The following CWC22 variants were observed in gnomAD, a reference collection of about 807,000 sequenced individuals.
The protein encoded by CWC22 is pre-mRNA-splicing factor CWC22 homolog.
A neutral mutation model predicts 117.2 loss-of-function variants in CWC22; 53 were observed. The observed-to-expected ratio is 0.45, with a 90% CI of 0.36 to 0.57. The LOEUF (loss-of-function observed/expected upper bound fraction) is 0.57. Among genes scored for constraint, CWC22 ranks in the 20% least tolerant of loss-of-function variants. The pLI is 0.00. For missense variants in CWC22, 980 were observed against 1,068.8 expected (o/e 0.92, Z 1.16); for synonymous variants, 360 against 355.6 (o/e 1.01, Z -0.14).
At chr2:179,970,884 T>C in intron 9 of CWC22, 28 bp from the exon 10 acceptor site, 1 of 1,608,206 alleles carries the variant, frequency 6.2e-7, no homozygotes, top group East Asian at 2.2e-5. Context: ...GAAAAGACAA[T>C]AAAATAAGCA....
intron 5 of CWC22, among the ~76,000 whole-genome samples, chr2:179,979,612 A>G (rs1178437493): frequency 6.6e-6 from 1 of 152,138 alleles, no homozygotes; most frequent in Non-Finnish European, 1.5e-5. Flanking sequence ...GATATTGTTT[A>G]GTATTGCTAG....
At chr2:179,983,944 C>A (rs758985599) in intron 4 of CWC22, among the ~76,000 whole-genome samples, 2 of 152,008 alleles carry the variant, frequency 1.3e-5, no homozygotes, top group Non-Finnish European at 2.9e-5. Context: ...AAATCAGATC[C>A]CTACCATTAT....
In CWC22 at chr2:179,945,570, T is replaced by C; in HGVS notation, c.2286A>G (p.Arg762=). The C allele has an allele frequency of 6.2e-7, 1 of 1,613,276 alleles. No individual in the cohort carries two copies. ...TTTGATCTCTGTGTTTTTCTGACCT[T>C]CTTTCTCTCTCAGTCCTTGTTTCCT... The part of the protein sequence containing the change: ...GHQETRTERE[R]RSEKHRDQNS... Residue 762 remains arginine (R), a synonymous_variant, in exon 20 of 20, where the codon AGA becomes AGG. Coordinates refer to ENST00000410053, the MANE Select transcript of CWC22 (RefSeq NM_020943.3).
chr2:179,977,500 T>C (rs570011656), intron 6 of CWC22, among the ~76,000 whole-genome samples: 3 of 152,192 alleles, frequency 2.0e-5, no homozygotes, highest in South Asian at 4.1e-4. Flanking sequence ...CTCACTAATA[T>C]GCGGAATCTA....
At chr2:179,995,112 C>T (rs67302250) in intron 1 of CWC22, among the ~76,000 whole-genome samples, 21,721 of 152,122 alleles carry the variant, frequency 0.14, 1,938 homozygotes, top group Admixed American at 0.29. Context: ...AGTGAGACTT[C>T]GTCTCAAACA....
intron 11 of CWC22, among the ~76,000 whole-genome samples, chr2:179,968,688 C>T (rs2105525531): frequency 6.6e-6 from 1 of 152,038 alleles, no homozygotes; most frequent in East Asian, 1.9e-4. Context: ...CTGCCTCAGC[C>T]TCCTGACTCG....
intron 2 of CWC22, among the ~76,000 whole-genome samples, chr2:179,991,888 C>A (rs966638267): frequency 6.6e-6 from 1 of 152,110 alleles, no homozygotes; most frequent in South Asian, 2.1e-4. Context: ...AACTGTGAGC[C>A]CCCTGCCAAA....
intron 8 of CWC22, 117 bp from the exon 9 acceptor site, chr2:179,971,193 G>T: frequency 1.5e-6 from 1 of 668,750 alleles, no homozygotes; most frequent in Non-Finnish European, 2.3e-6. Context: ...CACATATGAT[G>T]GGCAAAGTTT....
intron 14 of CWC22, among the ~76,000 whole-genome samples, chr2:179,956,161 G>A (rs1044641707): frequency 1.3e-5 from 2 of 151,618 alleles, no homozygotes; most frequent in South Asian, 4.2e-4. Context: ...ATATAATTAA[G>A]TATTTACTGC....
intron 3 of CWC22, 94 bp from the exon 4 acceptor site, chr2:179,986,899 T>C: frequency 3.4e-6 from 2 of 595,664 alleles, no homozygotes; most frequent in Middle Eastern, 2.8e-4. Flanking sequence ...AAAGCAACTC[T>C]ATGACTGAAC....
chr2:179,990,006 C>T (rs1383642350), intron 2 of CWC22, among the ~76,000 whole-genome samples: 2 of 152,088 alleles, frequency 1.3e-5, no homozygotes, highest in Non-Finnish European at 2.9e-5. Flanking sequence ...GATTTTATGA[C>T]TATCTAATTA....
rs775456453 is a variant in CWC22, at chr2:179,954,236, T to C, written c.1658A>G (p.His553Arg). 14 of 1,611,726 alleles carry C rather than the reference T, an allele frequency of 8.7e-6. No homozygotes were observed. The highest frequency in any genetic ancestry group is 1.2e-5 in the Non-Finnish European group (14 of 1,178,568). Residue 553 changes from histidine to arginine, a missense_variant, in exon 16 of 20, where the codon CAC becomes CGC. Physicochemically the swap from His to Arg is conservative, Grantham distance 29 (BLOSUM62 0). Around this residue, in one of 3 missense-constraint regions of CWC22, gnomAD observed 115 missense variants for 169.8 expected, o/e 0.68. Transcript: ENST00000410053. The stretch of plus-strand genomic sequence containing the variant: ...TGGAAGTGAATCAGTGTATAAAAGG[T>C]GAGCAAACATCTTAGCAACATTTCG... ...KLRNVAKMFA[H>R]LLYTDSLPWS...
chr2:179,951,541 T>C (rs990577537), intron 17 of CWC22, among the ~76,000 whole-genome samples: 2 of 151,960 alleles, frequency 1.3e-5, no homozygotes, highest in African/African-American at 4.8e-5. Flanking sequence ...AGGTACAATA[T>C]AAGAAGAATG....
chr2:179,986,786 A>G lies in CWC22; in HGVS notation c.115T>C (p.Ser39Pro). The part of the protein sequence containing the change: ...PEDRYEEQER[S>P]PRDRDYFDYS... ...TCAAAGTAATCTCTATCCCGGGGGG[A>G]TCGTTCTTGTTCTTCATATCTAACA... is the stretch of plus-strand genomic sequence containing the variant. Residue 39 changes from serine to proline, a missense_variant, in exon 4 of 20, where the codon TCC becomes CCC. Physicochemically the swap from Ser to Pro is moderately conservative, Grantham distance 74. Coordinates refer to ENST00000410053, the MANE Select transcript of CWC22 (RefSeq NM_020943.3). 1 of 1,589,928 alleles carries G rather than the reference A, an allele frequency of 6.3e-7. No homozygotes were observed. Among genetic ancestry groups the G allele is most frequent in the East Asian group, 2.2e-5 (1 of 44,490 alleles).
At chr2:179,951,162 A>T (rs766404682) in intron 17 of CWC22, among the ~76,000 whole-genome samples, 1 of 152,098 alleles carries the variant, frequency 6.6e-6, no homozygotes, top group Non-Finnish European at 1.5e-5. Context: ...GGTTTTTAAA[A>T]AACTTTTTTT....
intron 5 of CWC22, among the ~76,000 whole-genome samples, chr2:179,978,903 G>A (rs909380682): frequency 6.6e-6 from 1 of 152,174 alleles, no homozygotes; most frequent in Non-Finnish European, 1.5e-5. Flanking sequence ...TCTCTATGTT[G>A]ATGTAGTAGT....
Position 179,993,167 on chromosome 2 carries a change from T to G in CWC22, c.27+148A>C, listed in dbSNP as rs572050179. ...CAAACAGTAATTGTGGTTTTTAAAA[T>G]TGCAAAAACTGCAATTACTTTTGCA... is the stretch of plus-strand genomic sequence containing the variant. On this transcript the variant is annotated intron_variant, in intron 2 of 19. Coordinates refer to ENST00000410053, the MANE Select transcript of CWC22 (RefSeq NM_020943.3). The G allele has an allele frequency of 2.3e-4, 143 of 623,874 alleles. No homozygotes were observed. The African/African-American group carries it at 2.3e-3, about 10-fold the overall frequency. 38.6% of individuals were successfully genotyped at this position (623,874 alleles called of 1,614,324 possible).
intron 6 of CWC22, among the ~76,000 whole-genome samples, chr2:179,977,152 C>G (rs1687173846): frequency 6.6e-6 from 1 of 152,104 alleles, no homozygotes; most frequent in Admixed American, 6.5e-5. Context: ...AGACCCCCAT[C>G]TCTAAAATAA....
chr2:179,986,003 T>C (rs1262817695), intron 4 of CWC22, among the ~76,000 whole-genome samples: 1 of 152,094 alleles, frequency 6.6e-6, no homozygotes, highest in Non-Finnish European at 1.5e-5. Flanking sequence ...TATAATACTC[T>C]GCCTAGATTT....
Sources: allele counts gnomAD v4.1 joint callset (sites outside exome capture counted in the v4.1 genomes callset), GRCh38; gene constraint gnomAD v4.1.1; regional missense constraint gnomAD v4.1.1; transcripts MANE v1.5; gene names NCBI Gene and HGNC (gene_info 2026-07-23, HGNC 2026-07-21).